EHD4: variants seen among roughly 807,000 people sequenced by gnomAD.
EHD4 encodes EH domain-containing protein 4.
EHD4 carries 37 observed loss-of-function variants against 51.0 expected under a neutral mutation model. That is an observed-to-expected ratio of 0.73 (90% confidence interval 0.56 to 0.95). EHD4 has a LOEUF of 0.95. Among genes scored for constraint, EHD4 ranks in the 40% least tolerant of loss-of-function variants. The pLI is 0.00. For synonymous variants in EHD4, 297 were observed against 317.3 expected (o/e 0.94, Z 0.68); for missense variants, 632 against 733.1 (o/e 0.86, Z 1.59).
At chr15:41,946,900 T>G (rs1372375170) in intron 2 of EHD4, among the ~76,000 whole-genome samples, 2 of 152,206 alleles carry the variant, frequency 1.3e-5, no homozygotes, top group African/African-American at 4.8e-5. Flanking sequence ...AACAGTAATA[T>G]CTGTAGCAGT....
chr15:41,919,243 G>A lies in EHD4; in HGVS notation c.891C>T (p.Leu297=). Residue 297 remains leucine (L), a synonymous_variant, in exon 4 of 6, where the codon CTC becomes CTT. Transcript: ENST00000220325. ...GCCTCGCTCGCTTGATGAGGTCGTT[G>A]AGCTTGCGCACCGCTGCCTTCTGGG... ...SLPQKAAVRK[L]NDLIKRARLA... The A allele has an allele frequency of 6.2e-7, 1 of 1,614,090 alleles. No individual in the cohort carries two copies. Among genetic ancestry groups the A allele is most frequent in the Non-Finnish European group, 8.5e-7 (1 of 1,180,038 alleles).
intron 3 of EHD4, among the ~76,000 whole-genome samples, chr15:41,940,762 C>G (rs1355434575): frequency 6.6e-6 from 1 of 152,196 alleles, no homozygotes. Flanking sequence ...TCAAAGCATT[C>G]TGGAAGCATT....
chr15:41,967,061 T>C (rs578142076), intron 1 of EHD4, among the ~76,000 whole-genome samples: 1 of 152,320 alleles, frequency 6.6e-6, no homozygotes, highest in East Asian at 1.9e-4. Context: ...CACTCAAACA[T>C]GACAGGTCTA....
rs770079590 is a variant in EHD4 at position 41,953,788 on chromosome 15, C to T, written c.389G>A (p.Arg130His). ...CCGATTCAGGAAAGCGTTTCCAAAG[C>T]GACTGAGCTTTCTAAACGGCTTTTT... Reference protein sequence around the residue: ...DPKKPFRKLSRFGNAFLNRFM... With the variant: ...DPKKPFRKLSHFGNAFLNRFM... Residue 130 changes from arginine (R) to histidine (H), a missense_variant, in exon 2 of 6, where the codon CGC (arginine) becomes CAC (histidine). Physicochemically the swap from Arg to His is conservative, Grantham distance 29. Transcript: ENST00000220325. 5.0e-6 allele frequency: 8 copies of T among 1,610,886 alleles called. No individual in the cohort carries two copies. The highest frequency in any genetic ancestry group is 3.4e-5 in the Admixed American group (2 of 58,938).
intron 1 of EHD4, among the ~76,000 whole-genome samples, chr15:41,971,152 C>G (rs750378457): frequency 1.3e-5 from 2 of 152,156 alleles, no homozygotes; most frequent in Non-Finnish European, 2.9e-5. Flanking sequence ...GATAGCTACT[C>G]TATTTGTAGG....
intron 3 of EHD4, among the ~76,000 whole-genome samples, chr15:41,935,939 AGGAGGCT>A (rs2067728989): frequency 6.6e-6 from 1 of 152,186 alleles, no homozygotes; most frequent in Non-Finnish European, 1.5e-5. Context: ...GGACCAGCCA[AGGAGGCT>A]GCCTGGGCCT....
At chr15:41,969,254 G>T (rs775784889) in intron 1 of EHD4, among the ~76,000 whole-genome samples, 1 of 152,214 alleles carries the variant, frequency 6.6e-6, no homozygotes, top group African/African-American at 2.4e-5. Flanking sequence ...TCTTAAAAAT[G>T]TGTAGTTTGG....
intron 2 of EHD4, among the ~76,000 whole-genome samples, chr15:41,944,992 T>C (rs1274515535): frequency 6.6e-6 from 1 of 152,068 alleles, no homozygotes; most frequent in Non-Finnish European, 1.5e-5. Flanking sequence ...CTTTGTAAGT[T>C]CACAGAAAAA....
At chr15:41,971,137 G>A (rs1417606836) in intron 1 of EHD4, among the ~76,000 whole-genome samples, 3 of 152,204 alleles carry the variant, frequency 2.0e-5, no homozygotes, top group Non-Finnish European at 2.9e-5. Context: ...CATATTTCCT[G>A]TAGTGATAGC....
intron 4 of EHD4, 57 bp downstream of exon 4, chr15:41,919,153 A>G (rs1319056982): frequency 6.2e-7 from 1 of 1,602,988 alleles, no homozygotes; most frequent in African/African-American, 1.3e-5. Flanking sequence ...TTGCCTCTGG[A>G]GAGGAGACAG....
In EHD4 at chr15:41,943,148, G is replaced by C. The variant is rs768341956; in HGVS notation, c.430C>G (p.Leu144Val). 1.9e-6 allele frequency: 3 copies of C among 1,589,152 alleles called. No homozygotes were observed. Among genetic ancestry groups the C allele is most frequent in the Middle Eastern group, 1.7e-4 (1 of 6,020 alleles). Residue 144 changes from leucine (L) to valine (V), a missense_variant, in exon 3 of 6, where the codon CTC (leucine) becomes GTC (valine). Physicochemically the swap from Leu to Val is conservative, Grantham distance 32 (BLOSUM62 1). Transcript: ENST00000220325. Reference protein sequence around the residue: ...AFLNRFMCSQLPNQVLKSISV... With the variant: ...AFLNRFMCSQVPNQVLKSISV... The stretch of plus-strand genomic sequence containing the variant: ...ATGCTCTTCAGGACCTGATTGGGGA[G>C]CTGTGAGCACATGAATCTGGAAGAG...
rs902463086 is a variant in EHD4 at position 41,959,566 on chromosome 15, AT to A, written c.237-5627del. Among the ~76,000 whole-genome samples the A allele has an allele frequency of 9.2e-5, 14 of 152,130 alleles. 1 individual carries two copies. Among genetic ancestry groups the A allele is most frequent in the Admixed American group, 7.9e-4 (12 of 15,284 alleles). Reference sequence around the variant, plus strand: ...AGTTTTGGAAAGTTTCATGTAATATATTTTTCTTCAGAATACTTACTTGATC... The same window carrying A: ...AGTTTTGGAAAGTTTCATGTAATATATTTTCTTCAGAATACTTACTTGATC... On this transcript the variant is annotated intron_variant, in intron 1 of 5. Coordinates refer to ENST00000220325, the MANE Select transcript of EHD4 (RefSeq NM_139265.4).
At chr15:41,936,943 G>C (rs918704133) in intron 3 of EHD4, among the ~76,000 whole-genome samples, 1 of 152,204 alleles carries the variant, frequency 6.6e-6, no homozygotes, top group Non-Finnish European at 1.5e-5. Context: ...ACCTCAGACT[G>C]GCCTTAGCCC....
intron 3 of EHD4, among the ~76,000 whole-genome samples, chr15:41,926,781 C>T (rs1218215728): frequency 6.6e-6 from 1 of 152,252 alleles, no homozygotes; most frequent in Non-Finnish European, 1.5e-5. Flanking sequence ...CCACACTGGG[C>T]TCTGCTGTTC....
At chr15:41,932,357 G>C (rs1353044952) in intron 3 of EHD4, among the ~76,000 whole-genome samples, 1 of 152,186 alleles carries the variant, frequency 6.6e-6, no homozygotes, top group South Asian at 2.1e-4. Flanking sequence ...CTCTGGGAGA[G>C]GAACTGGGGG....
intron 1 of EHD4, among the ~76,000 whole-genome samples, chr15:41,968,880 C>T (rs1056893324): frequency 6.6e-6 from 1 of 152,124 alleles, no homozygotes; most frequent in Admixed American, 6.5e-5. Flanking sequence ...TATCATTATC[C>T]AATTTCAGAA....
chr15:41,947,221 T>C (rs528961797), intron 2 of EHD4, among the ~76,000 whole-genome samples: 1 of 152,250 alleles, frequency 6.6e-6, no homozygotes, highest in Non-Finnish European at 1.5e-5. Flanking sequence ...CAGGGCAACA[T>C]CCTAAAACAA....
intron 3 of EHD4, among the ~76,000 whole-genome samples, chr15:41,929,466 C>T (rs2067684646): frequency 6.6e-6 from 1 of 152,258 alleles, no homozygotes; most frequent in Non-Finnish European, 1.5e-5. Flanking sequence ...AACGCTGCTG[C>T]TTCTGGGCAT....
At chr15:41,962,335 A>G (rs2067929414) in intron 1 of EHD4, among the ~76,000 whole-genome samples, 1 of 152,238 alleles carries the variant, frequency 6.6e-6, no homozygotes, top group South Asian at 2.1e-4. Flanking sequence ...CACGCAGAAG[A>G]GTCTTGAGCT....
Sources: gnomAD v4.1 joint callset for allele counts (sites outside exome capture counted in the v4.1 genomes callset) on GRCh38, gnomAD v4.1.1 for gene constraint, MANE v1.5 for transcripts, NCBI Gene and HGNC (gene_info 2026-07-23, HGNC 2026-07-21) for gene names.